SGCZ: variants seen among roughly 807,000 people sequenced by gnomAD.
SGCZ encodes zeta-sarcoglycan.
SGCZ carries 40 observed loss-of-function variants against 41.3 expected under a neutral mutation model. The ratio of observed to expected loss-of-function variants is 0.97; its 90% CI spans 0.75 to 1.26. The LOEUF (loss-of-function observed/expected upper bound fraction) is 1.26. Ranked by LOEUF, SGCZ falls within the 50% of genes most tolerant of loss-of-function variation. The pLI is 0.00. For synonymous variants in SGCZ, 206 were observed against 137.5 expected, an observed-to-expected ratio of 1.50 and a Z score of -3.49; for missense variants, 552 against 369.8, an observed-to-expected ratio of 1.49 and a Z score of -4.04.
At chr8:14,753,417 G>A (rs1799561067) in intron 1 of SGCZ, among the ~76,000 whole-genome samples, 1 of 152,020 alleles carries the variant, frequency 6.6e-6, no homozygotes, top group African/African-American at 2.4e-5. Context: ...AAAAACAATG[G>A]GACTTACTGT....
Position 14,750,459 on chromosome 8 carries a change from G to A in SGCZ, c.40-195533C>T, listed in dbSNP as rs564236387. ...CCTCCCATTTCTGCCTTAATAGGTA[G>A]AAAAATCTAAGAGTTTTCTAAGGAA... On this transcript the variant is annotated intron_variant, in intron 1 of 7. Transcript: ENST00000382080. Among the ~76,000 whole-genome samples, 143 of 152,248 alleles carry A rather than the reference G, an allele frequency of 9.4e-4. 1 individual carries two copies. The Middle Eastern group carries it at 0.01, about 11-fold the overall frequency.
intron 1 of SGCZ, among the ~76,000 whole-genome samples, chr8:14,696,355 G>A (rs7836693): frequency 0.8 from 121,832 of 151,958 alleles, 49,536 homozygotes; most frequent in African/African-American, 0.92. Context: ...CCCTGACTGA[G>A]TGAGACTGGG....
intron 2 of SGCZ, among the ~76,000 whole-genome samples, chr8:14,427,271 A>G (rs981867118): frequency 6.6e-6 from 1 of 152,150 alleles, no homozygotes; most frequent in Admixed American, 6.5e-5. Context: ...AAGCTATACA[A>G]CAAACCCCCA....
intron 1 of SGCZ, among the ~76,000 whole-genome samples, chr8:14,832,831 G>GT (rs1802578361): frequency 6.6e-6 from 1 of 152,002 alleles, no homozygotes. Flanking sequence ...CAAATACAAT[G>GT]TTTTTTCTAA....
At chr8:15,053,675 G>C (rs986957691) in intron 1 of SGCZ, among the ~76,000 whole-genome samples, 1 of 152,084 alleles carries the variant, frequency 6.6e-6, no homozygotes, top group Non-Finnish European at 1.5e-5. Context: ...TATTTGGGGG[G>C]GTTGGGGGCT....
At chr8:15,213,080 G>A (rs956061371) in intron 1 of SGCZ, among the ~76,000 whole-genome samples, 2 of 151,922 alleles carry the variant, frequency 1.3e-5, no homozygotes, top group African/African-American at 4.8e-5. Context: ...CTTGAGGGGC[G>A]ACATAAAGGG....
At chr8:14,499,786 C>T (rs957812861) in intron 2 of SGCZ, among the ~76,000 whole-genome samples, 12 of 144,264 alleles carry the variant, frequency 8.3e-5, no homozygotes, top group African/African-American at 1.9e-4. Context: ...TATCAACTGC[C>T]TTCCTTTGGC....
At chr8:14,297,919 A>G (rs964575426) in intron 3 of SGCZ, among the ~76,000 whole-genome samples, 11 of 152,052 alleles carry the variant, frequency 7.2e-5, no homozygotes, top group Non-Finnish European at 1.5e-4. Flanking sequence ...TGATAATACA[A>G]CTAGATAAAA....
chr8:15,093,223 A>G (rs1806216254), intron 1 of SGCZ, among the ~76,000 whole-genome samples: 1 of 152,238 alleles, frequency 6.6e-6, no homozygotes, highest in Non-Finnish European at 1.5e-5. Flanking sequence ...ATAGATTTTA[A>G]GAAGAGTTGC....
At chr8:14,855,207 G>A (rs1367944772) in intron 1 of SGCZ, among the ~76,000 whole-genome samples, 1 of 151,768 alleles carries the variant, frequency 6.6e-6, no homozygotes, top group Non-Finnish European at 1.5e-5. Context: ...ATGCCAACAT[G>A]TCCACCTAAC....
At chr8:14,929,690 A>T (rs1413050020) in intron 1 of SGCZ, among the ~76,000 whole-genome samples, 2 of 152,062 alleles carry the variant, frequency 1.3e-5, no homozygotes, top group African/African-American at 4.8e-5. Context: ...TATGTCAGAG[A>T]TAAACTAGGT....
rs574021731 is a variant in SGCZ at position 15,036,800 on chromosome 8, T to G, written c.39+200785A>C. ...AGAAAAGGACACTACAAAAAAAAAT[T>G]ATGGGCCAATATCCCTGATTAACAT... is the stretch of plus-strand genomic sequence containing the variant. On this transcript the variant is annotated intron_variant, in intron 1 of 7. Transcript: ENST00000382080. Among the ~76,000 whole-genome samples, 16 of 152,092 alleles carry G rather than the reference T, an allele frequency of 1.1e-4. No homozygotes were observed. The South Asian group carries it at 3.3e-3, about 32-fold the overall frequency.
chr8:15,074,797 A>T (rs779743213), intron 1 of SGCZ, among the ~76,000 whole-genome samples: 14 of 152,034 alleles, frequency 9.2e-5, no homozygotes, highest in Non-Finnish European at 1.5e-5. Context: ...CGTGGAATAC[A>T]TAGTTTTATC....
chr8:15,143,237 G>C (rs199620764), intron 1 of SGCZ, among the ~76,000 whole-genome samples: 4 of 152,190 alleles, frequency 2.6e-5, no homozygotes, highest in Non-Finnish European at 5.9e-5. Context: ...TTCTCCAGTA[G>C]AATGAGTGTT....
intron 1 of SGCZ, among the ~76,000 whole-genome samples, chr8:14,984,847 G>A (rs1055974595): frequency 1.1e-4 from 17 of 152,188 alleles, no homozygotes; most frequent in Admixed American, 1.3e-4. Flanking sequence ...GTTTTGGGAC[G>A]TTTTCAATAG....
intron 1 of SGCZ, among the ~76,000 whole-genome samples, chr8:15,094,620 A>C (rs1053674861): frequency 5.3e-5 from 8 of 152,198 alleles, no homozygotes; most frequent in Non-Finnish European, 8.8e-5. Flanking sequence ...TCTGGAGCCC[A>C]GTAAGCTAGG....
At chr8:14,841,039 G>A (rs1325207710) in intron 1 of SGCZ, among the ~76,000 whole-genome samples, 1 of 151,768 alleles carries the variant, frequency 6.6e-6, no homozygotes, top group Admixed American at 6.6e-5. Context: ...TAAACATTTT[G>A]TTTGAAGTCT....
intron 1 of SGCZ, among the ~76,000 whole-genome samples, chr8:14,655,320 T>C (rs1048106658): frequency 6.6e-6 from 1 of 152,134 alleles, no homozygotes; most frequent in East Asian, 1.9e-4. Context: ...ATATGTTCAA[T>C]ATAAAGTATC....
intron 2 of SGCZ, among the ~76,000 whole-genome samples, chr8:14,332,398 G>A (rs868043049): frequency 1.3e-5 from 2 of 152,014 alleles, no homozygotes; most frequent in Non-Finnish European, 2.9e-5. Flanking sequence ...CCGAGATCGC[G>A]CCACTGCACT....
Sources: allele counts gnomAD v4.1 joint callset (sites outside exome capture counted in the v4.1 genomes callset), GRCh38; gene constraint gnomAD v4.1.1; transcripts MANE v1.5; gene names NCBI Gene and HGNC (gene_info 2026-07-23, HGNC 2026-07-21).